Variants in AUTS2 observed in about 807,000 individuals in gnomAD.
AUTS2 encodes autism susceptibility gene 2 protein.
AUTS2 carries 17 observed loss-of-function variants against 112.4 expected under a neutral mutation model. That is an observed-to-expected ratio of 0.15 (90% confidence interval 0.10 to 0.23). The LOEUF is 0.23. Among genes scored for constraint, AUTS2 ranks in the 10% least tolerant of loss-of-function variants. AUTS2 has a pLI of 1.00. For synonymous variants in AUTS2, 751 were observed against 702.7 expected, an observed-to-expected ratio of 1.07 and a Z score of -1.09; for missense variants, 1,510 against 1,701.6, an observed-to-expected ratio of 0.89 and a Z score of 1.98.
At chr7:70,757,807 CTTTTTTTTTTTTTTT>C (rs3974412) in intron 6 of AUTS2, among the ~76,000 whole-genome samples, 4 of 60,526 alleles carry the variant, frequency 6.6e-5, no homozygotes, top group Non-Finnish European at 1.1e-4. Flanking sequence ...TCCATGGCTT[CTTTTTTTTTTTTTTT>C]TTTTTTTTTT....
chr7:70,191,091 C>A (rs1276784079), intron 4 of AUTS2, among the ~76,000 whole-genome samples: 1 of 149,130 alleles, frequency 6.7e-6, no homozygotes, highest in African/African-American at 2.5e-5. Context: ...AATTCAATTT[C>A]AGATATTGTG....
chr7:69,772,475 G>A lies in AUTS2; in HGVS notation c.310-126811G>A, dbSNP rs530909056. Among the ~76,000 whole-genome samples the A allele has an allele frequency of 3.9e-5, 6 of 152,278 alleles. No individual in the cohort carries two copies. In the East Asian group the frequency reaches 1.2e-3, roughly 29 times the overall value. On this transcript the variant is annotated intron_variant, in intron 1 of 18. Transcript: ENST00000342771. ...TTTGTTTTGGAGATAGGGTCTCGCT[G>A]TATTGCCCAGACTGGAGTGCAGTGG...
intron 1 of AUTS2, among the ~76,000 whole-genome samples, chr7:69,874,422 T>G (rs1323799934): frequency 6.6e-6 from 1 of 152,182 alleles, no homozygotes; most frequent in Non-Finnish European, 1.5e-5. Flanking sequence ...TGGATAGCCA[T>G]TGAACATTGT....
intron 14 of AUTS2, 35 bp from the exon 15 acceptor site, chr7:70,781,580 G>A: frequency 1.2e-6 from 2 of 1,611,380 alleles, no homozygotes; most frequent in South Asian, 1.1e-5. Context: ...CTTGCTGTTG[G>A]CCTTGGGACC....
intron 1 of AUTS2, among the ~76,000 whole-genome samples, chr7:69,857,237 T>G (rs1230416860): frequency 3.3e-5 from 5 of 152,170 alleles, no homozygotes; most frequent in Non-Finnish European, 7.3e-5. Flanking sequence ...TCCCTGCTCT[T>G]GTGCGCTGCA....
chr7:70,439,526 G>A (rs1341370529), intron 5 of AUTS2, among the ~76,000 whole-genome samples: 3 of 134,284 alleles, frequency 2.2e-5, no homozygotes, highest in Non-Finnish European at 3.1e-5. Flanking sequence ...GCGACAGGGC[G>A]AGACTCCATC....
chr7:70,742,490 C>T lies in AUTS2; in HGVS notation c.743-20380C>T, dbSNP rs575433457. 3.3e-5 allele frequency among the ~76,000 whole-genome samples: 5 copies of T among 152,290 alleles called. No homozygotes were observed. The East Asian group carries it at 7.7e-4, about 24-fold the overall frequency. The stretch of plus-strand genomic sequence containing the variant: ...TTAAAAGTGAAATTTCAGCCAGGCA[C>T]GGTGGCACACACCTGTAATCTCAGC... On this transcript the variant is annotated intron_variant, in intron 6 of 18. Transcript: ENST00000342771.
chr7:70,785,494 T>C (rs142600901), intron 16 of AUTS2: 8 of 467,630 alleles, frequency 1.7e-5, no homozygotes, highest in East Asian at 1.3e-4. Context: ...GTGTGGCCTT[T>C]GTGTATTCGA....
chr7:69,837,943 C>T (rs1791798411), intron 1 of AUTS2, among the ~76,000 whole-genome samples: 1 of 152,168 alleles, frequency 6.6e-6, no homozygotes, highest in Non-Finnish European at 1.5e-5. Flanking sequence ...CCTCTGCCTG[C>T]AGCTAAGGCT....
chr7:70,268,383 ACT>A (rs1250242876), intron 4 of AUTS2, among the ~76,000 whole-genome samples: 1 of 152,038 alleles, frequency 6.6e-6, no homozygotes, highest in Non-Finnish European at 1.5e-5. Flanking sequence ...ATGGCTATTT[ACT>A]CTTTCTTATG....
At chr7:69,750,699 G>T (rs948348687) in intron 1 of AUTS2, among the ~76,000 whole-genome samples, 2 of 152,008 alleles carry the variant, frequency 1.3e-5, no homozygotes, top group Non-Finnish European at 2.9e-5. Context: ...GCCTTACAAA[G>T]TGCTGGGTTT....
intron 4 of AUTS2, among the ~76,000 whole-genome samples, chr7:70,340,090 T>C (rs1791187415): frequency 6.6e-6 from 1 of 151,558 alleles, no homozygotes; most frequent in African/African-American, 2.4e-5. Flanking sequence ...ATGGGGATAA[T>C]AATACATACA....
intron 17 of AUTS2, chr7:70,786,771 G>A (rs185409175): frequency 2.4e-5 from 7 of 292,372 alleles, no homozygotes; most frequent in South Asian, 1.3e-4. Flanking sequence ...GCAAGGTCCT[G>A]TCTGGTCTCT....
chr7:69,705,048 G>A (rs1371606917), intron 1 of AUTS2, among the ~76,000 whole-genome samples: 11 of 152,052 alleles, frequency 7.2e-5, no homozygotes, highest in African/African-American at 2.4e-4. Flanking sequence ...TGTACTTTTT[G>A]TAGAGACGGG....
chr7:69,799,018 A>C lies in AUTS2; in HGVS notation c.310-100268A>C, dbSNP rs976584052. Reference sequence around the variant, plus strand: ...AAAAAAAAAGTGTGTATATAAGTACACACATACACACCCCTCAATAAGGCT... The same window carrying C: ...AAAAAAAAAGTGTGTATATAAGTACCCACATACACACCCCTCAATAAGGCT... On this transcript the variant is annotated intron_variant, in intron 1 of 18. Coordinates refer to ENST00000342771, the MANE Select transcript of AUTS2 (RefSeq NM_015570.4). Among the ~76,000 whole-genome samples the C allele has an allele frequency of 3.3e-5, 5 of 151,988 alleles. No individual in the cohort carries two copies. In the East Asian group the frequency reaches 7.7e-4, roughly 23 times the overall value.
intron 4 of AUTS2, among the ~76,000 whole-genome samples, chr7:70,310,320 G>T (rs982520742): frequency 6.6e-6 from 1 of 152,050 alleles, no homozygotes; most frequent in Admixed American, 6.6e-5. Flanking sequence ...TAAGAAATAA[G>T]TCAGCTGAGG....
intron 4 of AUTS2, among the ~76,000 whole-genome samples, chr7:70,315,308 A>T (rs918615587): frequency 6.6e-6 from 1 of 152,230 alleles, no homozygotes; most frequent in Non-Finnish European, 1.5e-5. Flanking sequence ...GTTACTTAAC[A>T]GCATGGATAT....
intron 1 of AUTS2, among the ~76,000 whole-genome samples, chr7:69,818,699 T>C (rs1445633945): frequency 6.6e-6 from 1 of 152,206 alleles, no homozygotes; most frequent in Non-Finnish European, 1.5e-5. Flanking sequence ...AAAGCTCTTT[T>C]ATAGTCCTCT....
intron 5 of AUTS2, among the ~76,000 whole-genome samples, chr7:70,553,926 C>A (rs59781047): frequency 6.2e-4 from 94 of 151,034 alleles, no homozygotes; most frequent in African/African-American, 2.1e-3. Flanking sequence ...CGCCACCACA[C>A]CCAACTCATT....
Sources: gnomAD v4.1 joint callset for allele counts (sites outside exome capture counted in the v4.1 genomes callset) on GRCh38, gnomAD v4.1.1 for gene constraint, MANE v1.5 for transcripts, NCBI Gene and HGNC (gene_info 2026-07-23, HGNC 2026-07-21) for gene names.